The following PCDHGA6 variants were observed in gnomAD, a reference collection of about 807,000 sequenced individuals.
PCDHGA6 encodes protocadherin gamma subfamily A, 6, also known as protocadherin gamma-A6.
In PCDHGA6, 41 loss-of-function variants were observed where a neutral mutation model predicts 60.6. The ratio of observed to expected loss-of-function variants is 0.68; its 90% CI spans 0.53 to 0.88. PCDHGA6 has a LOEUF of 0.88. Among genes scored for constraint, PCDHGA6 ranks in the 40% least tolerant of loss-of-function variants. The pLI, the probability that PCDHGA6 is intolerant of heterozygous loss-of-function variation, is 0.00. For missense variants in PCDHGA6, 1,312 were observed against 1,203.0 expected (o/e 1.09, Z -1.34); for synonymous variants, 594 against 524.4 (o/e 1.13, Z -1.81).
Position 141,394,604 on chromosome 5 carries a change from C to T in PCDHGA6, c.2424+18097C>T, listed in dbSNP as rs1589234871. On this transcript the variant is annotated intron_variant, in intron 1 of 3. Transcript: ENST00000517434. ...CCAAGGTGGTGGCGGTGGACAGAGA[C>T]TCGGGCCAGAACGCCTGGCTGTCCT... is the stretch of plus-strand genomic sequence containing the variant. 10 of 1,613,590 alleles carry T rather than the reference C, an allele frequency of 6.2e-6. No homozygotes were observed. The East Asian group carries it at 2.0e-4, about 32-fold the overall frequency.
At chr5:141,422,965 C>T (rs2096693602) in intron 1 of PCDHGA6, 2 of 1,614,116 alleles carry the variant, frequency 1.2e-6, no homozygotes, top group African/African-American at 2.7e-5. Context: ...GGAGCTGGCG[C>T]CCCGCTCTGC....
intron 1 of PCDHGA6, among the ~76,000 whole-genome samples, chr5:141,436,557 A>G (rs1224841336): frequency 6.6e-6 from 1 of 152,218 alleles, no homozygotes; most frequent in Non-Finnish European, 1.5e-5. Flanking sequence ...GAGCTTCAGC[A>G]AAGTAGGAAT....
At chr5:141,483,323 G>A (rs2099579999) in intron 1 of PCDHGA6, among the ~76,000 whole-genome samples, 1 of 152,104 alleles carries the variant, frequency 6.6e-6, no homozygotes, top group Non-Finnish European at 1.5e-5. Flanking sequence ...GGGACTGGAG[G>A]CAAAGAGATC....
Position 141,487,506 on chromosome 5 carries a change from C to T in PCDHGA6, c.2425-7301C>T. 1 of 1,614,220 alleles carries T rather than the reference C, an allele frequency of 6.2e-7. No homozygotes were observed. The highest frequency in any genetic ancestry group is 8.5e-7 in the Non-Finnish European group (1 of 1,180,046). On this transcript the variant is annotated intron_variant, in intron 1 of 3. Coordinates refer to ENST00000517434, the MANE Select transcript of PCDHGA6 (RefSeq NM_018919.3). The surrounding 1 kb of genome is among the most constrained non-coding windows in gnomAD (Gnocchi z 5.0). ...CATGGCTGTACACCCTTGGCTTCTG[C>T]ACCCACTCGGAGTGATAGCTTCATG...
At chr5:141,495,013 T>C (rs2099758300) in intron 2 of PCDHGA6, 148 bp downstream of exon 2, 12 of 1,511,014 alleles carry the variant, frequency 7.9e-6, no homozygotes, top group Non-Finnish European at 1.1e-5. Context: ...TGCGGGGGGC[T>C]GGCACACAGA....
chr5:141,387,984 C>T (rs1470979893), intron 1 of PCDHGA6: 2 of 1,485,580 alleles, frequency 1.3e-6, no homozygotes. Flanking sequence ...TGAGCAGATC[C>T]GCTACAGGAT....
intron 1 of PCDHGA6, chr5:141,385,344 A>G (rs1444885751): frequency 6.4e-7 from 1 of 1,567,338 alleles, no homozygotes. Context: ...CCCTTCCTTT[A>G]TTTCCATGAG....
intron 1 of PCDHGA6, among the ~76,000 whole-genome samples, chr5:141,437,360 G>T (rs1432098876): frequency 6.6e-6 from 1 of 152,144 alleles, no homozygotes; most frequent in Non-Finnish European, 1.5e-5. Context: ...ACCTAAAATT[G>T]GAATGTAATC....
At chr5:141,436,239 G>T (rs1426798903) in intron 1 of PCDHGA6, among the ~76,000 whole-genome samples, 2 of 152,012 alleles carry the variant, frequency 1.3e-5, no homozygotes, top group South Asian at 2.1e-4. Flanking sequence ...AAGCTAACAT[G>T]GTCTAATTAT....
intron 1 of PCDHGA6, among the ~76,000 whole-genome samples, chr5:141,459,755 G>A (rs1383912891): frequency 2.0e-5 from 3 of 152,182 alleles, no homozygotes; most frequent in African/African-American, 7.2e-5. Flanking sequence ...CAATTCTAGT[G>A]GGTGTGTGAT....
chr5:141,408,510 A>G (rs1298660421), intron 1 of PCDHGA6: 21 of 1,613,870 alleles, frequency 1.3e-5, no homozygotes, highest in Non-Finnish European at 1.8e-5. Context: ...AGAAGATGTG[A>G]GTTGCAATTG....
intron 1 of PCDHGA6, chr5:141,417,186 C>A (rs2154546857): frequency 6.6e-6 from 1 of 152,258 alleles, no homozygotes; most frequent in Admixed American, 6.5e-5. Context: ...GGAATTATTA[C>A]TTTCTGGGTG....
chr5:141,447,824 G>T (rs926580893), intron 1 of PCDHGA6, among the ~76,000 whole-genome samples: 2 of 152,034 alleles, frequency 1.3e-5, no homozygotes, highest in Non-Finnish European at 2.9e-5. Context: ...GGTGGCTCAC[G>T]CCTGTAATCC....
Position 141,485,959 on chromosome 5 carries a change from C to A in PCDHGA6, c.2425-8848C>A, listed in dbSNP as rs758835557. The A allele has an allele frequency of 6.2e-7, 1 of 1,614,160 alleles. No homozygotes were observed. The highest frequency in any genetic ancestry group is 1.3e-5 in the African/African-American group (1 of 75,054). Reference sequence around the variant, plus strand: ...GCGCACCAGCGGGCATGGTGCTCATCCAGCTCAATGCCTCAGACCCGGACC... The same window carrying A: ...GCGCACCAGCGGGCATGGTGCTCATACAGCTCAATGCCTCAGACCCGGACC... On this transcript the variant is annotated intron_variant, in intron 1 of 3. Coordinates refer to ENST00000517434, the MANE Select transcript of PCDHGA6 (RefSeq NM_018919.3). The surrounding 1 kb of genome is among the most constrained non-coding windows in gnomAD (Gnocchi z 5.7).
chr5:141,384,334 C>A (rs1779970411), intron 1 of PCDHGA6: 1 of 1,613,728 alleles, frequency 6.2e-7, no homozygotes, highest in African/African-American at 1.3e-5. Context: ...TGCACAGGAC[C>A]ACGACAGTGA....
At chr5:141,418,057 G>A (rs2096216088) in intron 1 of PCDHGA6, 2 of 1,614,050 alleles carry the variant, frequency 1.2e-6, no homozygotes, top group East Asian at 4.5e-5. Context: ...CTCGCGAGCT[G>A]CGAGTGAGCG....
chr5:141,384,164 T>C, intron 1 of PCDHGA6: 1 of 1,613,724 alleles, frequency 6.2e-7, no homozygotes, highest in Non-Finnish European at 8.5e-7. Flanking sequence ...AACATCACAC[T>C]GAAAGCCACA....
At chr5:141,421,675 G>A in intron 1 of PCDHGA6, 2 of 1,613,910 alleles carry the variant, frequency 1.2e-6, no homozygotes, top group Non-Finnish European at 1.7e-6. Context: ...CGCAATTCCT[G>A]GGGCGCGATT....
At chr5:141,433,298 A>G in intron 1 of PCDHGA6, 7 of 1,015,894 alleles carry the variant, frequency 6.9e-6, no homozygotes, top group Non-Finnish European at 1.0e-5. Context: ...GGCTCAAGCA[A>G]TTATCCCACC....
Sources: gnomAD v4.1 joint callset for allele counts (sites outside exome capture counted in the v4.1 genomes callset) on GRCh38, gnomAD v4.1.1 for gene constraint, Gnocchi (gnomAD v3.1) non-coding constraint, MANE v1.5 for transcripts, NCBI Gene and HGNC (gene_info 2026-07-23, HGNC 2026-07-21) for gene names.